The following XKR9 variants were observed in gnomAD, a reference collection of about 807,000 sequenced individuals.
XKR9 encodes XK-related protein 9.
XKR9 carries 32 observed loss-of-function variants against 32.0 expected under a neutral mutation model. The ratio of observed to expected loss-of-function variants is 1.00; its 90% CI spans 0.76 to 1.34. The LOEUF (loss-of-function observed/expected upper bound fraction) is 1.34, where lower values mean the gene tolerates loss of function less well. XKR9 is among the 40% of genes most tolerant of loss of function. XKR9 has a pLI of 0.00. For missense variants in XKR9, 546 were observed against 429.7 expected, an observed-to-expected ratio of 1.27 and a Z score of -2.39; for synonymous variants, 168 against 143.4, an observed-to-expected ratio of 1.17 and a Z score of -1.22.
the XKR9 span, among the ~76,000 whole-genome samples, chr8:70,903,987 C>T: frequency 6.6e-6 from 1 of 152,040 alleles, no homozygotes; most frequent in Non-Finnish European, 1.5e-5. Context: ...AATTTGATTA[C>T]ACTGTGGTCT....
At chr8:70,748,673 G>C (rs1807092514) in intron 2 of XKR9, among the ~76,000 whole-genome samples, 1 of 152,194 alleles carries the variant, frequency 6.6e-6, no homozygotes, top group South Asian at 2.1e-4. Flanking sequence ...TGGTGGAAAA[G>C]GGCAGGTTCC....
chr8:71,003,674 G>A, the XKR9 span, among the ~76,000 whole-genome samples: 2 of 152,232 alleles, frequency 1.3e-5, no homozygotes, highest in South Asian at 4.1e-4. Context: ...GATAAATATT[G>A]GTTAAGTGAA....
the XKR9 span, among the ~76,000 whole-genome samples, chr8:70,976,472 A>G: frequency 6.6e-6 from 1 of 152,204 alleles, no homozygotes; most frequent in African/African-American, 2.4e-5. Context: ...CTATTGAGAT[A>G]ATCATGTGGT....
the XKR9 span, among the ~76,000 whole-genome samples, chr8:71,049,034 C>A: frequency 6.6e-6 from 1 of 152,156 alleles, no homozygotes; most frequent in East Asian, 1.9e-4. Flanking sequence ...CATATGGATT[C>A]TCAGAAGAAA....
chr8:70,849,994 A>C, the XKR9 span, among the ~76,000 whole-genome samples: 1 of 152,140 alleles, frequency 6.6e-6, no homozygotes, highest in South Asian at 2.1e-4. Context: ...CCAAAAAAAA[A>C]AAATCCCAGG....
intron 2 of XKR9, among the ~76,000 whole-genome samples, chr8:70,770,229 A>G (rs1454741394): frequency 1.3e-5 from 2 of 152,110 alleles, no homozygotes; most frequent in Admixed American, 6.5e-5. Flanking sequence ...AGTTTGCTGG[A>G]GGTCCACTCC....
intron 2 of XKR9, among the ~76,000 whole-genome samples, chr8:70,677,131 A>G (rs1264116763): frequency 1.4e-5 from 2 of 146,292 alleles, no homozygotes; most frequent in African/African-American, 2.4e-5. Flanking sequence ...AAGATTAAAA[A>G]AAAATAAAAA....
chr8:71,045,079 G>A, the XKR9 span, among the ~76,000 whole-genome samples: 1 of 152,192 alleles, frequency 6.6e-6, no homozygotes, highest in African/African-American at 2.4e-5. Context: ...TACTTTCTAG[G>A]TGTGGGGAGG....
rs575153365 is a variant in XKR9, at chr8:70,780,735, C to A, written n.353-8604C>A. Among the ~76,000 whole-genome samples, 160 of 152,030 alleles carry A rather than the reference C, an allele frequency of 1.1e-3. 2 individuals are homozygous for A. Among genetic ancestry groups the A allele is most frequent in the South Asian group, 9.3e-3 (45 of 4,816 alleles). The stretch of plus-strand genomic sequence containing the variant: ...TTTTTGGCAATTTATTATGGAAGTC[C>A]CAGAAAACTAATATACTTGGTGGTA... On this transcript the variant is annotated intron_variant and non_coding_transcript_variant, in intron 2 of 3. Transcript: ENST00000520273.
chr8:70,845,875 ATCT>A, the XKR9 span, among the ~76,000 whole-genome samples: 1 of 152,174 alleles, frequency 6.6e-6, no homozygotes, highest in Non-Finnish European at 1.5e-5. Flanking sequence ...GGCATAGAAA[ATCT>A]ATTTAATGAA....
the XKR9 span, among the ~76,000 whole-genome samples, chr8:70,893,169 G>A: frequency 0.063 from 9,577 of 151,998 alleles, 421 homozygotes; most frequent in Non-Finnish European, 0.089. Context: ...TTATTCAGCT[G>A]TGAGATTTCT....
At chr8:70,840,557 T>A in the XKR9 span, among the ~76,000 whole-genome samples, 2 of 152,174 alleles carry the variant, frequency 1.3e-5, no homozygotes, top group Non-Finnish European at 2.9e-5. Flanking sequence ...GATTTTTCTA[T>A]ATCTCCACTA....
chr8:70,690,641 G>A (rs569795536), intron 3 of XKR9, among the ~76,000 whole-genome samples: 3 of 151,790 alleles, frequency 2.0e-5, no homozygotes, highest in Admixed American at 2.0e-4. Flanking sequence ...GAGCCACCGT[G>A]CCTGGCCAGC....
rs1194962470 is a variant in XKR9 at position 70,681,238 on chromosome 8, T to C, written c.180T>C (p.Tyr60=). The stretch of plus-strand genomic sequence containing the variant: ...CACTTGTGGCTCAGTGTTTTAGTTA[T>C]TCTTGGTTCAAGGCTGATTTAAAGA... ...FGTLVAQCFS[Y]SWFKADLKKA... The change falls in exon 3 of 5, where the codon TAT becomes TAC. Residue 60 remains tyrosine (Y), a synonymous_variant. Transcript: ENST00000408926. 1.2e-6 allele frequency: 2 copies of C among 1,613,444 alleles called. No homozygotes were observed. Among genetic ancestry groups the C allele is most frequent in the Non-Finnish European group, 1.7e-6 (2 of 1,179,630 alleles).
the XKR9 span, among the ~76,000 whole-genome samples, chr8:70,866,977 G>T: frequency 1.3e-5 from 2 of 152,082 alleles, no homozygotes; most frequent in South Asian, 4.1e-4. Context: ...ATTTTCCTAG[G>T]TTGGCAAGCA....
At chr8:70,695,632 A>C (rs1354872042) in intron 3 of XKR9, among the ~76,000 whole-genome samples, 1 of 151,952 alleles carries the variant, frequency 6.6e-6, no homozygotes. Context: ...GTGCTGCAAT[A>C]AACATACGTG....
At chr8:71,059,271 G>A in the XKR9 span, among the ~76,000 whole-genome samples, 1 of 152,202 alleles carries the variant, frequency 6.6e-6, no homozygotes, top group East Asian at 1.9e-4. Flanking sequence ...CACAGAATGT[G>A]CCCTCAGGCG....
At chr8:71,061,504 T>C in the XKR9 span, among the ~76,000 whole-genome samples, 1 of 152,220 alleles carries the variant, frequency 6.6e-6, no homozygotes, top group Admixed American at 6.5e-5. Flanking sequence ...TATATCTCCC[T>C]TTAGTTTCTT....
the XKR9 span, among the ~76,000 whole-genome samples, chr8:70,798,985 T>C: frequency 1.3e-5 from 2 of 152,236 alleles, no homozygotes; most frequent in South Asian, 4.1e-4. Context: ...GGTAATGTAG[T>C]GTCTTCAGCT....
Sources: allele counts gnomAD v4.1 joint callset (sites outside exome capture counted in the v4.1 genomes callset), GRCh38; gene constraint gnomAD v4.1.1; transcripts MANE v1.5; gene names NCBI Gene and HGNC (gene_info 2026-07-23, HGNC 2026-07-21).